Variants in NKAIN3 observed in about 807,000 individuals in gnomAD.
NKAIN3 encodes the protein sodium/potassium transporting ATPase interacting 3, also known as sodium/potassium-transporting ATPase subunit beta-1-interacting protein 3.
In NKAIN3, 25 loss-of-function variants were observed where a neutral mutation model predicts 30.2. That is an observed-to-expected ratio of 0.83 (90% CI 0.60 to 1.16). The LOEUF (loss-of-function observed/expected upper bound fraction) is 1.16, where lower values mean the gene tolerates loss of function less well. NKAIN3 is among the 50% of genes most tolerant of loss of function. The pLI, the probability that NKAIN3 is intolerant of heterozygous loss-of-function variation, is 0.00. For synonymous variants in NKAIN3, 91 were observed against 89.6 expected (o/e 1.02, Z -0.09); for missense variants, 225 against 254.1 (o/e 0.89, Z 0.78).
intron 4 of NKAIN3, among the ~76,000 whole-genome samples, chr8:62,763,610 A>G (rs1469157511): frequency 2.0e-5 from 3 of 152,230 alleles, no homozygotes; most frequent in African/African-American, 7.2e-5. Flanking sequence ...AATATTCAGG[A>G]TACACAAAGC....
At chr8:62,849,117 G>A (rs1274707645) in intron 4 of NKAIN3, among the ~76,000 whole-genome samples, 1 of 151,874 alleles carries the variant, frequency 6.6e-6, no homozygotes, top group Non-Finnish European at 1.5e-5. Context: ...ATGGCCTAAA[G>A]TTTTCCTTTT....
intron 4 of NKAIN3, among the ~76,000 whole-genome samples, chr8:62,860,065 G>C (rs1820194360): frequency 6.6e-6 from 1 of 152,184 alleles, no homozygotes; most frequent in Non-Finnish European, 1.5e-5. Context: ...TATTACTAAT[G>C]GCAGCCTTTA....
At position 62,341,274 on chromosome 8, in the gene NKAIN3, C is replaced by T. The variant is rs137999914; in HGVS notation, c.54+92147C>T. On this transcript the variant is annotated intron_variant, in intron 1 of 6. Coordinates refer to ENST00000623646, the MANE Select transcript of NKAIN3 (RefSeq NM_001304533.3). ...CTTACTTAAAGCATGTGATTTGGTT[C>T]AAAAGACATTTATGATGTTAATTTT... Among the ~76,000 whole-genome samples, 611 of 152,020 alleles carry T rather than the reference C, an allele frequency of 4.0e-3. 6 individuals are homozygous for T. The highest frequency in any genetic ancestry group is 0.014 in the African/African-American group (578 of 41,502).
At chr8:62,485,694 C>T (rs974377092) in intron 1 of NKAIN3, among the ~76,000 whole-genome samples, 2 of 152,076 alleles carry the variant, frequency 1.3e-5, no homozygotes, top group Non-Finnish European at 2.9e-5. Flanking sequence ...TGTTGGGAGC[C>T]AAGATCAGGT....
intron 1 of NKAIN3, among the ~76,000 whole-genome samples, chr8:62,534,021 A>G (rs969884838): frequency 6.6e-6 from 1 of 152,146 alleles, no homozygotes; most frequent in Non-Finnish European, 1.5e-5. Flanking sequence ...CAACATTACC[A>G]TGGCAACTTC....
rs1823779688 is a variant in NKAIN3 at position 62,969,228 on chromosome 8, A to G, written c.*3821A>G. On this transcript the variant is annotated 3_prime_UTR_variant, in exon 7 of 7. Transcript: ENST00000623646. Reference sequence around the variant, plus strand: ...ATAGACCTAAATAAGGGAGGCAGCCAGTTTCAAGAGGCTGGCTCTAACAAA... The same window carrying G: ...ATAGACCTAAATAAGGGAGGCAGCCGGTTTCAAGAGGCTGGCTCTAACAAA... 2.0e-5 allele frequency among the ~76,000 whole-genome samples: 3 copies of G among 152,244 alleles called. No individual in the cohort carries two copies. Among genetic ancestry groups the G allele is most frequent in the Non-Finnish European group, 2.9e-5 (2 of 68,046 alleles).
intron 1 of NKAIN3, among the ~76,000 whole-genome samples, chr8:62,431,210 A>T (rs987782122): frequency 6.6e-6 from 1 of 151,914 alleles, no homozygotes; most frequent in African/African-American, 2.4e-5. Context: ...CTTTTATTCT[A>T]GTCATTAGTC....
chr8:62,678,653 CATTAT>C (rs756964883), intron 3 of NKAIN3, among the ~76,000 whole-genome samples: 8 of 150,020 alleles, frequency 5.3e-5, no homozygotes, highest in Non-Finnish European at 7.4e-5. Flanking sequence ...AATATAACAT[CATTAT>C]ATTATATCAT....
At chr8:62,644,660 A>T (rs533763821) in intron 3 of NKAIN3, among the ~76,000 whole-genome samples, 1 of 152,146 alleles carries the variant, frequency 6.6e-6, no homozygotes, top group Non-Finnish European at 1.5e-5. Context: ...TGTGACTAAA[A>T]GGTTAAGTAG....
chr8:62,529,356 C>T (rs1013138871), intron 1 of NKAIN3, among the ~76,000 whole-genome samples: 1 of 152,132 alleles, frequency 6.6e-6, no homozygotes, highest in African/African-American at 2.4e-5. Context: ...TTTCATTATG[C>T]TTGTTATTGA....
chr8:62,889,923 T>C (rs193173130), intron 4 of NKAIN3, among the ~76,000 whole-genome samples: 4 of 151,946 alleles, frequency 2.6e-5, no homozygotes, highest in Admixed American at 1.3e-4. Context: ...GAGGCCACAG[T>C]GGAATGGTAT....
intron 1 of NKAIN3, among the ~76,000 whole-genome samples, chr8:62,297,365 T>C (rs1813868658): frequency 6.6e-6 from 1 of 151,908 alleles, no homozygotes. Flanking sequence ...CAAAAGAAAC[T>C]ACCATCAGAG....
chr8:62,354,743 G>A (rs1391562282), intron 1 of NKAIN3, among the ~76,000 whole-genome samples: 1 of 152,084 alleles, frequency 6.6e-6, no homozygotes. Context: ...GCGCCAGGCC[G>A]ACAGTTTCTT....
At chr8:62,367,407 G>A (rs1816768904) in intron 1 of NKAIN3, among the ~76,000 whole-genome samples, 2 of 152,136 alleles carry the variant, frequency 1.3e-5, no homozygotes, top group African/African-American at 2.4e-5. Flanking sequence ...CTGCAAGGAT[G>A]GTTCAATATG....
intron 1 of NKAIN3, among the ~76,000 whole-genome samples, chr8:62,298,111 G>A (rs980371647): frequency 6.9e-6 from 1 of 145,216 alleles, no homozygotes; most frequent in African/African-American, 2.6e-5. Context: ...CTCATAGGTG[G>A]GAATTGAACA....
intron 5 of NKAIN3, among the ~76,000 whole-genome samples, chr8:62,929,079 G>T (rs1822537094): frequency 6.6e-6 from 1 of 152,188 alleles, no homozygotes; most frequent in South Asian, 2.1e-4. Context: ...AGAGGCAAAG[G>T]CCAGGAGACC....
intron 1 of NKAIN3, among the ~76,000 whole-genome samples, chr8:62,263,908 G>A (rs1489945625): frequency 6.6e-6 from 1 of 152,120 alleles, no homozygotes; most frequent in Non-Finnish European, 1.5e-5. Context: ...TCCTGAGTAC[G>A]AAGATCTAAA....
intron 1 of NKAIN3, among the ~76,000 whole-genome samples, chr8:62,277,810 A>G (rs1387147941): frequency 6.6e-6 from 1 of 152,178 alleles, no homozygotes; most frequent in Admixed American, 6.5e-5. Flanking sequence ...GTGGTTTTGA[A>G]TATACTCTTT....
rs115683308 is a variant in NKAIN3 at position 62,741,198 on chromosome 8, G to A, written c.274-5734G>A. ...GAGACTTTGAGTCTATGACGTTACA[G>A]ACTTACCTGAAATTCTCTTTTCTAT... On this transcript the variant is annotated intron_variant, in intron 3 of 6. Transcript: ENST00000623646. Among the ~76,000 whole-genome samples, 420 of 152,192 alleles carry A rather than the reference G, an allele frequency of 2.8e-3. 3 individuals are homozygous for A. Among genetic ancestry groups the A allele is most frequent in the African/African-American group, 9.7e-3 (404 of 41,532 alleles).
Sources: gnomAD v4.1 joint callset for allele counts (sites outside exome capture counted in the v4.1 genomes callset) on GRCh38, gnomAD v4.1.1 for gene constraint, MANE v1.5 for transcripts, NCBI Gene and HGNC (gene_info 2026-07-23, HGNC 2026-07-21) for gene names.